CCDC171: variants seen among roughly 807,000 people sequenced by gnomAD.
The protein encoded by CCDC171 is coiled-coil domain containing 171.
CCDC171 carries 177 observed loss-of-function variants against 168.2 expected under a neutral mutation model. The observed-to-expected ratio is 1.05, with a 90% CI of 0.93 to 1.19. The LOEUF is 1.19. Ranked by LOEUF, CCDC171 falls within the 50% of genes most tolerant of loss-of-function variation. The pLI is 0.00. For missense variants in CCDC171, 1,991 were observed against 1,539.0 expected, an observed-to-expected ratio of 1.29 and a Z score of -4.91; for synonymous variants, 687 against 540.8, an observed-to-expected ratio of 1.27 and a Z score of -3.75.
intron 24 of CCDC171, among the ~76,000 whole-genome samples, chr9:15,882,786 G>A (rs930476746): frequency 2.2e-4 from 34 of 151,488 alleles, no homozygotes; most frequent in Non-Finnish European, 3.8e-4. Context: ...TATCCCATAA[G>A]TCTTTTCACC....
At chr9:15,775,539 C>G (rs545644978) in intron 18 of CCDC171, among the ~76,000 whole-genome samples, 1 of 152,108 alleles carries the variant, frequency 6.6e-6, no homozygotes, top group Admixed American at 6.6e-5. Context: ...AGGATGGTCT[C>G]GATCTCCTGA....
At chr9:15,963,495 A>T in intron 25 of CCDC171, among the ~76,000 whole-genome samples, 1 of 152,316 alleles carries the variant, frequency 6.6e-6, no homozygotes, top group African/African-American at 2.4e-5. Context: ...ATACATTTAA[A>T]TTTTTTGTCT....
chr9:15,663,025 A>G (rs543286794), intron 8 of CCDC171, among the ~76,000 whole-genome samples: 10 of 148,102 alleles, frequency 6.8e-5, no homozygotes, highest in African/African-American at 2.2e-4. Context: ...ACAACAACAA[A>G]TTGCCTGATT....
intron 25 of CCDC171, among the ~76,000 whole-genome samples, chr9:15,951,662 TG>T (rs1379644867): frequency 2.0e-5 from 3 of 152,142 alleles, no homozygotes; most frequent in Admixed American, 6.6e-5. Flanking sequence ...TTGGTTTGTT[TG>T]TTTTTTGGAG....
the CCDC171 span, among the ~76,000 whole-genome samples, chr9:16,108,731 GC>G: frequency 6.6e-6 from 1 of 152,208 alleles, no homozygotes; most frequent in Admixed American, 6.5e-5. Context: ...TGCCAGTTCA[GC>G]CGGCCCTGAC....
At chr9:15,587,687 C>G (rs1190348448) in intron 4 of CCDC171, 2 of 456,506 alleles carry the variant, frequency 4.4e-6, no homozygotes, top group African/African-American at 2.0e-5. Context: ...AGCTCAGATT[C>G]TAGGTGGTGG....
intron 6 of CCDC171, among the ~76,000 whole-genome samples, chr9:16,025,486 T>C (rs753265136): frequency 4.6e-5 from 7 of 151,904 alleles, no homozygotes; most frequent in Non-Finnish European, 7.4e-5. Context: ...CAAAAAAACT[T>C]GGACAGGGAT....
chr9:15,941,394 G>T (rs1013616956), intron 25 of CCDC171, among the ~76,000 whole-genome samples: 1 of 151,774 alleles, frequency 6.6e-6, no homozygotes, highest in African/African-American at 2.4e-5. Flanking sequence ...GTTTAAACTT[G>T]TTTTTATTGT....
At chr9:15,584,177 T>C (rs1220865539) in intron 4 of CCDC171, among the ~76,000 whole-genome samples, 1 of 152,252 alleles carries the variant, frequency 6.6e-6, no homozygotes, top group Non-Finnish European at 1.5e-5. Context: ...TGTTAAGGTA[T>C]AATTTTGTAA....
chr9:15,577,613 T>C lies in CCDC171; in HGVS notation c.178-1236T>C, dbSNP rs181351624. 2.4e-3 allele frequency among the ~76,000 whole-genome samples: 362 copies of C among 152,348 alleles called. 2 individuals are homozygous for C. The highest frequency in any genetic ancestry group is 8.4e-3 in the African/African-American group (349 of 41,582). ...ACCAAGAGCAATATTACTGGGTGTT[T>C]AGTTAGGAAAACAGAAACCATTCTA... On this transcript the variant is annotated intron_variant, in intron 3 of 25. Coordinates refer to ENST00000380701, the MANE Select transcript of CCDC171 (RefSeq NM_173550.4).
chr9:15,662,463 C>T (rs927898251), intron 8 of CCDC171, among the ~76,000 whole-genome samples: 7 of 152,168 alleles, frequency 4.6e-5, no homozygotes, highest in South Asian at 2.1e-4. Context: ...ATTCCTGTGA[C>T]GCTTGCCTCA....
intron 16 of CCDC171, among the ~76,000 whole-genome samples, chr9:15,743,486 C>T (rs755848979): frequency 6.6e-6 from 1 of 152,046 alleles, no homozygotes; most frequent in Non-Finnish European, 1.5e-5. Context: ...TAATTTTACT[C>T]TTTCTTTCAA....
chr9:15,703,830 A>G (rs1337011646), intron 11 of CCDC171, among the ~76,000 whole-genome samples: 1 of 152,214 alleles, frequency 6.6e-6, no homozygotes. Flanking sequence ...AAACCTCCAT[A>G]CTAGAGCATA....
intron 7 of CCDC171, among the ~76,000 whole-genome samples, chr9:15,631,269 A>C (rs427078): frequency 0.54 from 81,382 of 150,450 alleles, 22,271 homozygotes; most frequent in East Asian, 0.76. Context: ...ATTGATAGAC[A>C]GCTAGCAAGA....
chr9:15,806,408 A>G (rs1362781391), intron 21 of CCDC171, among the ~76,000 whole-genome samples: 1 of 152,072 alleles, frequency 6.6e-6, no homozygotes, highest in Non-Finnish European at 1.5e-5. Flanking sequence ...TTTCTTCAGG[A>G]GCTCTTGTAA....
chr9:15,793,551 G>GT (rs3082839), intron 21 of CCDC171, among the ~76,000 whole-genome samples: 19,852 of 76,768 alleles, frequency 0.26, 5,840 homozygotes, highest in Non-Finnish European at 0.29. Context: ...TTATTCCAAG[G>GT]TTTTTTTTTT....
At chr9:16,033,414 T>G (rs966325993) in intron 6 of CCDC171, among the ~76,000 whole-genome samples, 1 of 152,126 alleles carries the variant, frequency 6.6e-6, no homozygotes, top group Admixed American at 6.5e-5. Flanking sequence ...CGGCATTAGA[T>G]TCTCATAGGA....
chr9:15,852,288 A>T (rs537848468), intron 23 of CCDC171, among the ~76,000 whole-genome samples: 6 of 151,776 alleles, frequency 4.0e-5, no homozygotes, highest in African/African-American at 1.4e-4. Context: ...ACTACTATGT[A>T]GTATCTCACT....
chr9:16,070,300 C>T, the CCDC171 span, among the ~76,000 whole-genome samples: 10 of 152,096 alleles, frequency 6.6e-5, no homozygotes, highest in South Asian at 4.1e-4. Context: ...GGTCCTGCCT[C>T]GGCAAACAAT....
Sources: gnomAD v4.1 joint callset for allele counts (sites outside exome capture counted in the v4.1 genomes callset) on GRCh38, gnomAD v4.1.1 for gene constraint, MANE v1.5 for transcripts, NCBI Gene and HGNC (gene_info 2026-07-23, HGNC 2026-07-21) for gene names.